The following UBE2G1 variants were observed in gnomAD, a reference collection of about 807,000 sequenced individuals.
UBE2G1 encodes the protein ubiquitin conjugating enzyme E2 G1.
In UBE2G1, 5 loss-of-function variants were observed where a neutral mutation model predicts 22.7. The observed-to-expected ratio is 0.22, with a 90% CI of 0.12 to 0.46. The LOEUF is 0.46. UBE2G1 is among the 20% of genes least tolerant of loss of function. The pLI is 0.99. For missense variants in UBE2G1, 88 were observed against 203.9 expected, an observed-to-expected ratio of 0.43 and a Z score of 3.46; for synonymous variants, 74 against 67.5, an observed-to-expected ratio of 1.10 and a Z score of -0.47.
chr17:4,277,551 T>C (rs1028901144), intron 5 of UBE2G1, among the ~76,000 whole-genome samples: 3 of 152,138 alleles, frequency 2.0e-5, no homozygotes, highest in South Asian at 2.1e-4. Context: ...AATCTCTATA[T>C]AGGACAAGGT....
chr17:4,288,560 C>A (rs1377056797), intron 4 of UBE2G1, among the ~76,000 whole-genome samples: 2 of 152,054 alleles, frequency 1.3e-5, no homozygotes, highest in African/African-American at 4.8e-5. Context: ...GTGTTAACTA[C>A]TGTAGGACTT....
chr17:4,302,508 C>T, intron 2 of UBE2G1: 1 of 458,806 alleles, frequency 2.2e-6, no homozygotes, highest in South Asian at 1.7e-5. Context: ...GGGTGGCCAT[C>T]ATTTCCATCA....
intron 1 of UBE2G1, among the ~76,000 whole-genome samples, chr17:4,348,335 C>T (rs1373196574): frequency 1.3e-5 from 2 of 149,454 alleles, no homozygotes; most frequent in African/African-American, 2.5e-5. Context: ...GGGCGGATCA[C>T]GAGGTCAGGA....
chr17:4,351,890 G>A (rs371598494), intron 1 of UBE2G1, among the ~76,000 whole-genome samples: 6 of 152,190 alleles, frequency 3.9e-5, no homozygotes, highest in Admixed American at 1.3e-4. Context: ...TACCAGATGC[G>A]GCCATCACCA....
intron 1 of UBE2G1, among the ~76,000 whole-genome samples, chr17:4,328,338 G>A (rs944227169): frequency 6.6e-6 from 1 of 152,106 alleles, no homozygotes; most frequent in Non-Finnish European, 1.5e-5. Context: ...GTTTTATGTT[G>A]TCCAAAATAT....
At chr17:4,316,868 A>T (rs534370443) in intron 1 of UBE2G1, among the ~76,000 whole-genome samples, 84 of 149,536 alleles carry the variant, frequency 5.6e-4, no homozygotes, top group Non-Finnish European at 1.1e-3. Context: ...TGGGCCCGGA[A>T]GTTTGAGGCT....
At chr17:4,338,891 A>G (rs1969679758) in intron 1 of UBE2G1, among the ~76,000 whole-genome samples, 2 of 152,200 alleles carry the variant, frequency 1.3e-5, no homozygotes, top group African/African-American at 4.8e-5. Context: ...AGGGGCAAGT[A>G]TCTTAACGAC....
chr17:4,292,110 C>T (rs919486089), intron 3 of UBE2G1, among the ~76,000 whole-genome samples: 3 of 151,616 alleles, frequency 2.0e-5, no homozygotes, highest in Admixed American at 2.0e-4. Flanking sequence ...CTGAGGCGGG[C>T]GGATCACCTG....
intron 1 of UBE2G1, among the ~76,000 whole-genome samples, chr17:4,349,512 TA>T (rs56660928): frequency 0.98 from 148,711 of 151,582 alleles, 73,080 homozygotes; most frequent in Admixed American, 0.99. Context: ...GCATTGTTTT[TA>T]AAAAAAAAAC....
rs1230429629 is a variant in UBE2G1, at chr17:4,301,358, G to T, written c.150-4544C>A. 2.5e-5 allele frequency: 13 copies of T among 511,712 alleles called. No individual in the cohort carries two copies. The East Asian group carries it at 4.4e-4, about 17-fold the overall frequency. The allele number at this position is 511,712 out of a possible 1,614,324, so 31.7% of individuals were successfully genotyped here. On this transcript the variant is annotated intron_variant, in intron 2 of 5. Transcript: ENST00000396981. Reference sequence around the variant, plus strand: ...CTCCCACGGGCGCAATGGAGGAGAAGGATGAGAAAGCATGGGTGCTGCTGG... The same window carrying T: ...CTCCCACGGGCGCAATGGAGGAGAATGATGAGAAAGCATGGGTGCTGCTGG...
intron 2 of UBE2G1, among the ~76,000 whole-genome samples, chr17:4,303,094 T>C (rs1969204927): frequency 6.6e-6 from 1 of 152,186 alleles, no homozygotes; most frequent in South Asian, 2.1e-4. Flanking sequence ...GTGACAGACA[T>C]TCCCTTTCCT....
chr17:4,279,038 G>A (rs1968852384), intron 5 of UBE2G1, among the ~76,000 whole-genome samples: 1 of 152,178 alleles, frequency 6.6e-6, no homozygotes, highest in Non-Finnish European at 1.5e-5. Flanking sequence ...ACTGTGAGAG[G>A]CCAAGGCAGG....
chr17:4,270,949 G>A lies in UBE2G1; in HGVS notation c.*1605C>T, dbSNP rs1168858010. The A allele has an allele frequency of 6.6e-6, 1 of 152,162 alleles. No homozygotes were observed. Among genetic ancestry groups the A allele is most frequent in the Non-Finnish European group, 1.5e-5 (1 of 68,042 alleles). 9.4% of individuals were successfully genotyped at this position (152,162 alleles called of 1,614,324 possible). A position where few individuals can be genotyped will look rare whatever the true frequency, so the allele number is the denominator to read the frequency against. On this transcript the variant is annotated 3_prime_UTR_variant, in exon 6 of 6. Transcript: ENST00000396981. ...AAAGCATTTCTCCAAACCCCACAGA[G>A]CAGAGATGCACGAATTCTCACTGAT...
intron 3 of UBE2G1, among the ~76,000 whole-genome samples, chr17:4,290,033 A>G (rs1969015175): frequency 6.6e-6 from 1 of 152,208 alleles, no homozygotes; most frequent in Non-Finnish European, 1.5e-5. Context: ...ATAAGAAAAC[A>G]TCCTTATTTT....
intron 1 of UBE2G1, among the ~76,000 whole-genome samples, chr17:4,339,976 C>T (rs999582745): frequency 3.3e-5 from 5 of 152,208 alleles, no homozygotes; most frequent in African/African-American, 1.2e-4. Flanking sequence ...TGGGGCTGCA[C>T]GGGCTGGAGT....
chr17:4,339,755 C>T (rs1243143339), intron 1 of UBE2G1, among the ~76,000 whole-genome samples: 3 of 151,736 alleles, frequency 2.0e-5, no homozygotes, highest in African/African-American at 7.3e-5. Context: ...AGGCTGAGGC[C>T]ACAGAATCAC....
intron 1 of UBE2G1, among the ~76,000 whole-genome samples, chr17:4,358,976 A>T (rs1189297289): frequency 6.6e-6 from 1 of 152,142 alleles, no homozygotes; most frequent in African/African-American, 2.4e-5. Context: ...TAAAAAAAAA[A>T]AAGGAAAAAG....
rs991255122 is a variant in UBE2G1, at chr17:4,272,291, A to G, written c.*263T>C. On this transcript the variant is annotated 3_prime_UTR_variant, in exon 6 of 6. Transcript: ENST00000396981. ...TATATTATCCGGATCATGTTGTGCTATGTACAGGTCTTTACAATTCTTCCT... is the reference window on the plus strand; with the variant it reads ...TATATTATCCGGATCATGTTGTGCTGTGTACAGGTCTTTACAATTCTTCCT... 1 of 155,948 alleles carries G rather than the reference A, an allele frequency of 6.4e-6. No homozygotes were observed. The highest frequency in any genetic ancestry group is 1.4e-5 in the Non-Finnish European group (1 of 70,166). 9.7% of individuals were successfully genotyped at this position (155,948 alleles called of 1,614,324 possible). A position where few individuals can be genotyped will look rare whatever the true frequency, so the allele number is the denominator to read the frequency against.
intron 5 of UBE2G1, among the ~76,000 whole-genome samples, chr17:4,276,588 G>A (rs1170153308): frequency 6.6e-6 from 1 of 152,200 alleles, no homozygotes. Context: ...TTCCCCAAGA[G>A]GACAGTGCCT....
Sources: gnomAD v4.1 joint callset for allele counts (sites outside exome capture counted in the v4.1 genomes callset) on GRCh38, gnomAD v4.1.1 for gene constraint, MANE v1.5 for transcripts, NCBI Gene and HGNC (gene_info 2026-07-23, HGNC 2026-07-21) for gene names.